ADAMTS19: variants seen among roughly 807,000 people sequenced by gnomAD.
ADAMTS19 encodes the protein A disintegrin and metalloproteinase with thrombospondin motifs 19.
Under a neutral mutation model 153.3 loss-of-function variants are expected in ADAMTS19, and 93 were observed. The ratio of observed to expected loss-of-function variants is 0.61; its 90% CI spans 0.51 to 0.72. The LOEUF is 0.72. ADAMTS19 is among the 30% of genes least tolerant of loss of function. The probability of loss-of-function intolerance (pLI) is 0.00; values close to 1 mark genes in which losing one functional copy is unlikely to be tolerated. For missense variants in ADAMTS19, 1,482 were observed against 1,552.1 expected (o/e 0.95, Z 0.76); for synonymous variants, 600 against 556.6 (o/e 1.08, Z -1.10).
chr5:129,673,947 T>C (rs1210270772), intron 16 of ADAMTS19, among the ~76,000 whole-genome samples: 2 of 152,144 alleles, frequency 1.3e-5, no homozygotes, highest in Non-Finnish European at 2.9e-5. Context: ...AATATGGCCA[T>C]TGGCCGGGGA....
chr5:129,574,254 A>G (rs2126870113), intron 7 of ADAMTS19, among the ~76,000 whole-genome samples: 1 of 152,212 alleles, frequency 6.6e-6, no homozygotes, highest in East Asian at 1.9e-4. Flanking sequence ...GGAAAACTGA[A>G]TGTCAGAAAA....
intron 2 of ADAMTS19, among the ~76,000 whole-genome samples, chr5:129,468,546 G>T (rs1185249688): frequency 1.3e-5 from 2 of 151,864 alleles, no homozygotes; most frequent in Admixed American, 1.3e-4. Context: ...TAGAGACGGG[G>T]TTTCACCGTG....
intron 14 of ADAMTS19, among the ~76,000 whole-genome samples, chr5:129,655,929 A>C (rs1435818331): frequency 6.6e-6 from 1 of 152,198 alleles, no homozygotes; most frequent in Admixed American, 6.5e-5. Flanking sequence ...GTAGTTTTTC[A>C]TTAAAAATTA....
At chr5:129,544,954 A>C (rs2126806739) in intron 6 of ADAMTS19, among the ~76,000 whole-genome samples, 1 of 152,268 alleles carries the variant, frequency 6.6e-6, no homozygotes, top group Middle Eastern at 3.4e-3. Flanking sequence ...AAGCATATGC[A>C]AAACTGCTCT....
chr5:129,738,170 A>T lies in ADAMTS19; in HGVS notation c.*952A>T, dbSNP rs1461984272. 3 of 152,342 alleles carry T rather than the reference A, an allele frequency of 2.0e-5. No individual in the cohort carries two copies. Among genetic ancestry groups the T allele is most frequent in the Non-Finnish European group, 4.4e-5 (3 of 67,990 alleles). 9.4% of individuals were successfully genotyped at this position (152,342 alleles called of 1,614,324 possible). On this transcript the variant is annotated 3_prime_UTR_variant, in exon 23 of 23. Transcript: ENST00000274487. ...GAACAAGGAAAAACAGAAAGCATATAATACGGTGGTCGTTTCATTGTGTTT... is the reference window on the plus strand; with the variant it reads ...GAACAAGGAAAAACAGAAAGCATATTATACGGTGGTCGTTTCATTGTGTTT...
chr5:129,516,112 T>C (rs965065289), intron 3 of ADAMTS19, among the ~76,000 whole-genome samples: 1 of 151,942 alleles, frequency 6.6e-6, no homozygotes, highest in Non-Finnish European at 1.5e-5. Context: ...TGTTGAACCA[T>C]CCTTGCCTCC....
chr5:129,464,760 C>A (rs6889280), intron 2 of ADAMTS19, among the ~76,000 whole-genome samples: 3,600 of 152,250 alleles, frequency 0.024, 142 homozygotes, highest in African/African-American at 0.081. Context: ...GGATCTCTCT[C>A]TATATAAAAT....
chr5:129,505,601 A>C (rs770704195), intron 2 of ADAMTS19, among the ~76,000 whole-genome samples: 1 of 152,184 alleles, frequency 6.6e-6, no homozygotes, highest in African/African-American at 2.4e-5. Context: ...GGTTATTTTA[A>C]AAAGCACCGA....
intron 15 of ADAMTS19, among the ~76,000 whole-genome samples, chr5:129,659,177 T>C (rs1304530050): frequency 6.6e-6 from 1 of 152,156 alleles, no homozygotes; most frequent in Non-Finnish European, 1.5e-5. Context: ...GAGTACGTTT[T>C]TGGAAACAGA....
At chr5:129,522,690 G>A (rs1049549040) in intron 3 of ADAMTS19, among the ~76,000 whole-genome samples, 4 of 151,970 alleles carry the variant, frequency 2.6e-5, no homozygotes, top group Admixed American at 6.5e-5. Flanking sequence ...GGTGGGATCC[G>A]GTTCTTATTA....
chr5:129,506,660 T>C (rs921583188), intron 2 of ADAMTS19, among the ~76,000 whole-genome samples: 5 of 151,984 alleles, frequency 3.3e-5, no homozygotes, highest in Admixed American at 3.3e-4. Flanking sequence ...CTAATTTACC[T>C]GCTAACAGGG....
intron 13 of ADAMTS19, among the ~76,000 whole-genome samples, chr5:129,649,337 A>G (rs1461801469): frequency 6.6e-6 from 1 of 152,232 alleles, no homozygotes; most frequent in Non-Finnish European, 1.5e-5. Context: ...CTAACAATAC[A>G]GAAATCATAC....
rs1453095716 is a variant in ADAMTS19 at position 129,596,561 on chromosome 5, A to G, written c.1375A>G (p.Ile459Val). The G allele has an allele frequency of 1.9e-6, 3 of 1,586,404 alleles. No homozygotes were observed. The highest frequency in any genetic ancestry group is 4.5e-5 in the East Asian group (2 of 44,028). Residue 459 changes from isoleucine to valine, a missense_variant and splice_region_variant, in exon 8 of 23, where the codon ATA becomes GTA. Ile to Val is a conservative substitution (Grantham distance 29, BLOSUM62 3). Transcript: ENST00000274487. ...TAATTAATGTTTGTATTTTTTAGGT[A>G]TAGCTTACTTGAGTGGAATGTGTAG... ...HKDEPCDTVG[I>V]AYLSGMCSEK... is the part of the protein sequence containing the mutation.
chr5:129,638,089 A>C (rs1441719563), intron 10 of ADAMTS19, among the ~76,000 whole-genome samples: 1 of 152,138 alleles, frequency 6.6e-6, no homozygotes, highest in Non-Finnish European at 1.5e-5. Flanking sequence ...CTGTGTCACA[A>C]ATCTTCATAT....
At chr5:129,657,107 C>T (rs1230659720) in intron 14 of ADAMTS19, among the ~76,000 whole-genome samples, 1 of 152,174 alleles carries the variant, frequency 6.6e-6, no homozygotes, top group African/African-American at 2.4e-5. Flanking sequence ...TAGACATTCT[C>T]TTTATTTCTC....
At chr5:129,646,882 C>T (rs898539422) in intron 11 of ADAMTS19, among the ~76,000 whole-genome samples, 4 of 152,046 alleles carry the variant, frequency 2.6e-5, no homozygotes, top group Admixed American at 2.6e-4. Flanking sequence ...GTTACTCTTA[C>T]CATGTTTGCT....
At chr5:129,609,877 A>G (rs7712648) in intron 8 of ADAMTS19, among the ~76,000 whole-genome samples, 101,795 of 151,958 alleles carry the variant, frequency 0.67, 36,068 homozygotes, top group Non-Finnish European at 0.8. Context: ...GGAGTAGATC[A>G]TCTATTAACT....
At position 129,493,538 on chromosome 5, in the gene ADAMTS19, A is replaced by G. The variant is rs141375038; in HGVS notation, c.748-15539A>G. Reference sequence around the variant, plus strand: ...TTTTTAAAAAAGTAACTGTTTAATCACATAGGATGAGAGTATTTGGTAGAT... The same window carrying G: ...TTTTTAAAAAAGTAACTGTTTAATCGCATAGGATGAGAGTATTTGGTAGAT... On this transcript the variant is annotated intron_variant, in intron 2 of 22. Coordinates refer to ENST00000274487, the MANE Select transcript of ADAMTS19 (RefSeq NM_133638.6). 5.9e-3 allele frequency among the ~76,000 whole-genome samples: 905 copies of G among 152,218 alleles called. 9 individuals are homozygous for G. Among genetic ancestry groups the G allele is most frequent in the Non-Finnish European group, 0.01 (687 of 67,992 alleles).
At chr5:129,641,097 A>G (rs1320726722) in intron 10 of ADAMTS19, among the ~76,000 whole-genome samples, 2 of 152,206 alleles carry the variant, frequency 1.3e-5, no homozygotes, top group Non-Finnish European at 2.9e-5. Flanking sequence ...AGAAATAGAA[A>G]GTCTTTATTA....
Sources: allele counts gnomAD v4.1 joint callset (sites outside exome capture counted in the v4.1 genomes callset), GRCh38; gene constraint gnomAD v4.1.1; transcripts MANE v1.5; gene names NCBI Gene and HGNC (gene_info 2026-07-23, HGNC 2026-07-21).